Variants in MID2 observed in about 807,000 individuals in gnomAD.
The protein encoded by MID2 is midline 2.
Under a neutral mutation model 46.1 loss-of-function variants are expected in MID2, and 13 were observed. That is an observed-to-expected ratio of 0.28 (90% confidence interval 0.18 to 0.45). MID2 has a LOEUF of 0.45. Ranked by LOEUF, MID2 falls within the 20% of genes least tolerant of loss-of-function variation. MID2 has a pLI of 1.00. For synonymous variants in MID2, 199 were observed against 212.3 expected, an observed-to-expected ratio of 0.94 and a Z score of 0.55; for missense variants, 431 against 575.4, an observed-to-expected ratio of 0.75 and a Z score of 2.57.
chrX:107,893,818 T>C (rs1242844357), intron 3 of MID2, among the ~76,000 whole-genome samples: 2 of 113,005 alleles, frequency 1.8e-5, no homozygotes, highest in African/African-American at 6.4e-5. Context: ...TTGAAAATAA[T>C]ATAAAGTACT....
rs756470778 is a variant in MID2 at position 107,926,638 on chromosome X, GTTTA to G, written c.1806-29_1806-26del. 7 of 1,162,369 alleles carry G rather than the reference GTTTA, an allele frequency of 6.0e-6. No individual in the cohort carries two copies. The African/African-American group carries it at 7.1e-5, about 12-fold the overall frequency. Reference sequence around the variant, plus strand: ...TACACAACTCAGATAATTCATAAATGTTTATTTCTCTCTCCTTTCCACTGTCTCA... The same window carrying G: ...TACACAACTCAGATAATTCATAAATGTTTCTCTCTCCTTTCCACTGTCTCA... On this transcript the variant is annotated intron_variant, in intron 9 of 9. Coordinates refer to ENST00000262843, the MANE Select transcript of MID2 (RefSeq NM_012216.4).
At chrX:107,902,300 T>C (rs73533431) in intron 3 of MID2, among the ~76,000 whole-genome samples, 2,050 of 112,059 alleles carry the variant, frequency 0.018, 48 homozygotes, top group African/African-American at 0.063. Flanking sequence ...TACGACATCA[T>C]TGTGTACTAC....
At chrX:107,905,705 T>C in intron 5 of MID2, 79 bp downstream of exon 5, 1 of 850,643 alleles carries the variant, frequency 1.2e-6, no homozygotes, top group Admixed American at 3.2e-5. Context: ...TTCAGGCATG[T>C]ATCTAACAGC....
chrX:107,896,857 C>T (rs1932748961), intron 3 of MID2, among the ~76,000 whole-genome samples: 2 of 110,791 alleles, frequency 1.8e-5, no homozygotes, highest in Non-Finnish European at 3.8e-5. Flanking sequence ...GTGGTTAAAA[C>T]CATAGACATG....
At chrX:107,851,744 C>G (rs1931623251) in intron 2 of MID2, among the ~76,000 whole-genome samples, 1 of 111,532 alleles carries the variant, frequency 9.0e-6, no homozygotes, top group Non-Finnish European at 1.9e-5. Context: ...TATAACAGGA[C>G]TTTGGTCTCC....
chrX:107,887,300 C>T (rs145144797), intron 3 of MID2, among the ~76,000 whole-genome samples: 4,515 of 111,899 alleles, frequency 0.04, 102 homozygotes, highest in Non-Finnish European at 0.066. Context: ...TACGTCCAAT[C>T]AATGCCTAAT....
intron 8 of MID2, 74 bp downstream of exon 8, chrX:107,924,578 C>T: frequency 9.4e-7 from 1 of 1,059,123 alleles, no homozygotes; most frequent in Non-Finnish European, 1.3e-6. Context: ...CCTGAGCAGG[C>T]ACTCACAGCA....
In MID2 at chrX:107,898,520, C is replaced by T. The variant is rs759384491; in HGVS notation, c.817-5438C>T. The stretch of plus-strand genomic sequence containing the variant: ...ATTTTCTCTTTCCTATGATCTCATA[C>T]ACCTTTAATTGTATTCTATTATATT... On this transcript the variant is annotated intron_variant, in intron 3 of 9. Transcript: ENST00000262843. Among the ~76,000 whole-genome samples the T allele has an allele frequency of 6.8e-5, 7 of 102,790 alleles. No homozygotes were observed. The East Asian group carries it at 2.0e-3, about 29-fold the overall frequency. The allele number at this position is 102,790 out of a possible 115,157, so 89.3% of individuals were successfully genotyped here.
rs1189790885 is a variant in MID2 at position 107,866,371 on chromosome X, T to C, written c.816+11667T>C. The stretch of plus-strand genomic sequence containing the variant: ...GAGCAAAATTAAACACCTTCATGCT[T>C]TCGTACTCCATTTCTGTCAAAAACA... On this transcript the variant is annotated intron_variant, in intron 3 of 9. Coordinates refer to ENST00000262843, the MANE Select transcript of MID2 (RefSeq NM_012216.4). Among the ~76,000 whole-genome samples, 3 of 108,143 alleles carry C rather than the reference T, an allele frequency of 2.8e-5. No homozygotes were observed. In the East Asian group the frequency reaches 8.7e-4, roughly 31 times the overall value. The allele number at this position is 108,143 out of a possible 115,157, so 93.9% of individuals were successfully genotyped here. A position where few individuals can be genotyped will look rare whatever the true frequency, so the allele number is the denominator to read the frequency against.
intron 3 of MID2, among the ~76,000 whole-genome samples, chrX:107,885,691 C>T (rs1932437232): frequency 9.0e-6 from 1 of 111,700 alleles, no homozygotes; most frequent in African/African-American, 3.3e-5. Flanking sequence ...CCTGAGGAAT[C>T]GCAACACTGA....
chrX:107,914,830 T>C (rs1184147437), intron 5 of MID2, among the ~76,000 whole-genome samples: 2 of 112,435 alleles, frequency 1.8e-5, no homozygotes, highest in African/African-American at 6.5e-5. Context: ...TCTAAATGGT[T>C]AAGGTTATAG....
chrX:107,903,889 C>G, intron 3 of MID2, 69 bp from the exon 4 acceptor site: 2 of 779,692 alleles, frequency 2.6e-6, no homozygotes, highest in Non-Finnish European at 3.9e-6. Flanking sequence ...GCTGTCAGTC[C>G]GAACCTTTTA....
In MID2 at chrX:107,894,196, C is replaced by CT. The variant is rs1033247369; in HGVS notation, c.817-9751dup. ...CTCAGGCCGAGTATGGTGTCCTATC[C>CT]TTTTTTTTTTTATACCCAGCACATG... On this transcript the variant is annotated intron_variant, in intron 3 of 9. Transcript: ENST00000262843. Among the ~76,000 whole-genome samples, 139 of 105,118 alleles carry CT rather than the reference C, an allele frequency of 1.3e-3. 3 individuals carry two copies. The East Asian group carries it at 0.015, about 11-fold the overall frequency. The allele number at this position is 105,118 out of a possible 115,157, so 91.3% of individuals were successfully genotyped here. A position where few individuals can be genotyped will look rare whatever the true frequency, so the allele number is the denominator to read the frequency against.
At chrX:107,912,639 G>C (rs751270767) in intron 5 of MID2, among the ~76,000 whole-genome samples, 4 of 111,083 alleles carry the variant, frequency 3.6e-5, no homozygotes, top group Non-Finnish European at 7.6e-5. Flanking sequence ...TGTGTCTTAG[G>C]TTATTCTCTT....
chrX:107,831,096 C>T (rs940819177), intron 1 of MID2, among the ~76,000 whole-genome samples: 3 of 110,939 alleles, frequency 2.7e-5, no homozygotes, highest in African/African-American at 9.9e-5. Flanking sequence ...AGTAATGTGC[C>T]AGCATCCCAT....
chrX:107,875,864 C>T (rs191864985), intron 3 of MID2, among the ~76,000 whole-genome samples: 226 of 111,912 alleles, frequency 2.0e-3, no homozygotes, highest in African/African-American at 7.1e-3. Context: ...AGGAGGTCCA[C>T]TTTCCTCCCT....
At chrX:107,859,341 T>A (rs2147836676) in intron 3 of MID2, among the ~76,000 whole-genome samples, 1 of 112,136 alleles carries the variant, frequency 8.9e-6, no homozygotes, top group African/African-American at 3.2e-5. Flanking sequence ...GGTGGAGCCC[T>A]CTTTAAGGAG....
rs1933273725 is a variant in MID2 at position 107,931,120 on chromosome X, T to A, written c.*4047T>A. On this transcript the variant is annotated 3_prime_UTR_variant, in exon 10 of 10. Coordinates refer to ENST00000262843, the MANE Select transcript of MID2 (RefSeq NM_012216.4). ...TCGGCTAAAACACTCTAGGTGAATT[T>A]TCTAAACTTCCATGGTTTACATATT... Among the ~76,000 whole-genome samples, 1 of 112,395 alleles carries A rather than the reference T, an allele frequency of 8.9e-6. No individual in the cohort carries two copies. The highest frequency in any genetic ancestry group is 9.4e-5 in the Admixed American group (1 of 10,609).
intron 5 of MID2, among the ~76,000 whole-genome samples, chrX:107,907,007 T>G (rs1343790101): frequency 8.9e-6 from 1 of 112,587 alleles, no homozygotes; most frequent in Non-Finnish European, 1.9e-5. Flanking sequence ...TTCTTTAGCC[T>G]ATTTAGGATC....
Sources: allele counts gnomAD v4.1 joint callset (sites outside exome capture counted in the v4.1 genomes callset), GRCh38; gene constraint gnomAD v4.1.1; transcripts MANE v1.5; gene names NCBI Gene and HGNC (gene_info 2026-07-23, HGNC 2026-07-21).